PKHD1: variants seen among roughly 807,000 people sequenced by gnomAD.
The protein encoded by PKHD1 is PKHD1 ciliary IPT domain containing fibrocystin/polyductin.
PKHD1 carries 291 observed loss-of-function variants against 412.0 expected under a neutral mutation model. The observed-to-expected ratio is 0.71, with a 90% CI of 0.64 to 0.78. The LOEUF (loss-of-function observed/expected upper bound fraction) is 0.78. Among genes scored for constraint, PKHD1 ranks in the 30% least tolerant of loss-of-function variants. PKHD1 has a pLI of 0.00. For missense variants in PKHD1, 4,825 were observed against 4,950.7 expected (o/e 0.97, Z 0.76); for synonymous variants, 1,777 against 1,821.5 (o/e 0.98, Z 0.62).
At chr6:51,765,295 G>A (rs1228121167) in intron 55 of PKHD1, among the ~76,000 whole-genome samples, 1 of 151,594 alleles carries the variant, frequency 6.6e-6, no homozygotes, top group Non-Finnish European at 1.5e-5. Context: ...CAGCTCTACT[G>A]TTATCTCCAC....
At chr6:51,950,220 A>AAAAAT in intron 36 of PKHD1, among the ~76,000 whole-genome samples, 1,268 of 98,274 alleles carry the variant, frequency 0.013, 45 homozygotes, top group African/African-American at 0.043. Context: ...GAAAAAAAAA[A>AAAAAT]ATATATATAT....
At chr6:51,831,064 C>T in intron 51 of PKHD1, 75 bp from the exon 52 acceptor site, 1 of 1,133,524 alleles carries the variant, frequency 8.8e-7, no homozygotes, top group Non-Finnish European at 1.3e-6. Context: ...TTTTAGGATG[C>T]TAGTGGTATT....
intron 35 of PKHD1, among the ~76,000 whole-genome samples, chr6:51,978,898 A>G (rs1794788662): frequency 6.6e-6 from 1 of 152,162 alleles, no homozygotes; most frequent in Non-Finnish European, 1.5e-5. Flanking sequence ...TCTCTCCTAA[A>G]CTCTAAATGG....
Position 52,053,123 on chromosome 6 carries a change from C to A in PKHD1, c.2093G>T (p.Gly698Val), listed in dbSNP as rs199858063. 1.2e-6 allele frequency: 2 copies of A among 1,614,132 alleles called. No individual in the cohort carries two copies. The highest frequency in any genetic ancestry group is 1.7e-6 in the Non-Finnish European group (2 of 1,179,980). ...INLLPLAQET[G>V]LFYVDEIIIA... ...AATAATTTCATCCACATAGAACAGG[C>A]CCGTCTCCTGGGCCAGAGGGAGAAG... Residue 698 changes from glycine (G) to valine (V), a missense_variant, in exon 21 of 67, where the codon GGC becomes GTC. Gly to Val is a moderately radical substitution (Grantham distance 109, BLOSUM62 -3). Coordinates refer to ENST00000371117, the MANE Select transcript of PKHD1 (RefSeq NM_138694.4).
intron 54 of PKHD1, among the ~76,000 whole-genome samples, chr6:51,774,191 T>A (rs1790621939): frequency 6.8e-6 from 1 of 146,472 alleles, no homozygotes; most frequent in Non-Finnish European, 1.5e-5. Context: ...CATCAAAGGT[T>A]TACTGTAAAA....
intron 52 of PKHD1, among the ~76,000 whole-genome samples, chr6:51,805,267 T>C (rs149318778): frequency 0.012 from 1,835 of 152,206 alleles, 18 homozygotes; most frequent in South Asian, 0.037. Context: ...CTTAAACAAA[T>C]TAACACAGGA....
intron 52 of PKHD1, among the ~76,000 whole-genome samples, chr6:51,803,211 A>T (rs1287412374): frequency 6.6e-6 from 1 of 151,446 alleles, no homozygotes; most frequent in Non-Finnish European, 1.5e-5. Context: ...ATATTTTTAT[A>T]TTTTCCATAT....
chr6:51,631,013 G>A (rs1051187417), intron 65 of PKHD1, among the ~76,000 whole-genome samples: 1 of 152,124 alleles, frequency 6.6e-6, no homozygotes, highest in African/African-American at 2.4e-5. Flanking sequence ...AAGAAGTCAC[G>A]TCTAGAGCTG....
chr6:52,075,072 C>T (rs1811164150), intron 6 of PKHD1, among the ~76,000 whole-genome samples: 1 of 152,170 alleles, frequency 6.6e-6, no homozygotes, highest in Middle Eastern at 3.2e-3. Flanking sequence ...ATCAGAGCAG[C>T]AGGGACCCAC....
intron 35 of PKHD1, among the ~76,000 whole-genome samples, chr6:51,989,780 A>G (rs1796647444): frequency 6.7e-6 from 1 of 149,980 alleles, no homozygotes; most frequent in African/African-American, 2.5e-5. Context: ...AAGAATATAC[A>G]GCTATATCTG....
chr6:51,920,528 C>T (rs1784527790), intron 37 of PKHD1, among the ~76,000 whole-genome samples: 1 of 152,078 alleles, frequency 6.6e-6, no homozygotes, highest in Admixed American at 6.5e-5. Context: ...TTTGGTTTGC[C>T]AGTATTTTAT....
intron 60 of PKHD1, among the ~76,000 whole-genome samples, chr6:51,710,352 AATC>A (rs1780515033): frequency 1.3e-5 from 2 of 152,200 alleles, no homozygotes; most frequent in African/African-American, 4.8e-5. Flanking sequence ...GCTCCTTTGA[AATC>A]ATCAATAGTC....
intron 35 of PKHD1, among the ~76,000 whole-genome samples, chr6:51,970,626 T>C (rs1793530993): frequency 6.6e-6 from 1 of 152,228 alleles, no homozygotes; most frequent in Non-Finnish European, 1.5e-5. Context: ...TTAATTTTTG[T>C]ATAAGGTTAA....
chr6:51,618,697 C>G lies in PKHD1; in HGVS notation c.*384G>C. ...TAGCTGACCAGACCTTTTCATGATC[C>G]CTTCTATAAAAGAAGCTCAAAGCAT... is the stretch of plus-strand genomic sequence containing the variant. On this transcript the variant is annotated 3_prime_UTR_variant, in exon 67 of 67. Coordinates refer to ENST00000371117, the MANE Select transcript of PKHD1 (RefSeq NM_138694.4). 1 of 321,422 alleles carries G rather than the reference C, an allele frequency of 3.1e-6. No homozygotes were observed. Among genetic ancestry groups the G allele is most frequent in the Middle Eastern group, 1.1e-3 (1 of 890 alleles). The allele number at this position is 321,422 out of a possible 1,614,324, so 19.9% of individuals were successfully genotyped here.
chr6:51,738,515 C>T (rs1356026498), intron 60 of PKHD1, among the ~76,000 whole-genome samples: 1 of 152,094 alleles, frequency 6.6e-6, no homozygotes, highest in Non-Finnish European at 1.5e-5. Context: ...GCTCTTGTCA[C>T]AAAAAGTAGG....
intron 60 of PKHD1, among the ~76,000 whole-genome samples, chr6:51,718,868 T>C (rs1436098886): frequency 6.6e-6 from 1 of 152,152 alleles, no homozygotes; most frequent in Admixed American, 6.5e-5. Context: ...TCATCATGCG[T>C]TCAGAGTTTA....
Position 51,807,485 on chromosome 6 carries a change from A to ATATGTG in PKHD1, c.8303-16113_8303-16112insCACATA, listed in dbSNP as rs765667001. ...TATATATATATATATATATATGTAT[A>ATATGTG]TGTGTGTGTGTGTGTGTGTGTGTGT... On this transcript the variant is annotated intron_variant, in intron 52 of 66. Transcript: ENST00000371117. Among the ~76,000 whole-genome samples, 125 of 111,764 alleles carry ATATGTG rather than the reference A, an allele frequency of 1.1e-3. 1 individual carries two copies. The highest frequency in any genetic ancestry group is 5.1e-3 in the Middle Eastern group (1 of 196). The allele number at this position is 111,764 out of a possible 152,430, so 73.3% of individuals were successfully genotyped here.
intron 65 of PKHD1, among the ~76,000 whole-genome samples, chr6:51,632,237 T>G (rs1270996208): frequency 6.6e-6 from 1 of 152,090 alleles, no homozygotes; most frequent in Non-Finnish European, 1.5e-5. Flanking sequence ...TTTAACTCAC[T>G]TTTTGAAGTG....
intron 52 of PKHD1, among the ~76,000 whole-genome samples, chr6:51,803,991 A>G (rs1763323166): frequency 6.6e-6 from 1 of 151,508 alleles, no homozygotes; most frequent in Non-Finnish European, 1.5e-5. Context: ...TACAGGTGTG[A>G]GCCACCAGGT....
Sources: gnomAD v4.1 joint callset for allele counts (sites outside exome capture counted in the v4.1 genomes callset) on GRCh38, gnomAD v4.1.1 for gene constraint, MANE v1.5 for transcripts, NCBI Gene and HGNC (gene_info 2026-07-23, HGNC 2026-07-21) for gene names.